IRF6: variants seen among roughly 807,000 people sequenced by gnomAD.
IRF6 encodes the protein interferon regulatory factor 6.
A neutral mutation model predicts 51.4 loss-of-function variants in IRF6; 6 were observed. The ratio of observed to expected loss-of-function variants is 0.12; its 90% CI spans 0.06 to 0.23. The LOEUF is 0.23. IRF6 is among the 10% of genes least tolerant of loss of function. IRF6 has a pLI of 1.00. For synonymous variants in IRF6, 178 were observed against 215.7 expected (o/e 0.83, Z 1.53); for missense variants, 348 against 585.2 (o/e 0.59, Z 4.18).
In IRF6 at chr1:209,788,290, A is replaced by G; in HGVS notation, c.*130T>C. The G allele has an allele frequency of 1.5e-6, 1 of 674,120 alleles. No individual in the cohort carries two copies. The highest frequency in any genetic ancestry group is 2.5e-6 in the Non-Finnish European group (1 of 395,832). 41.8% of individuals were successfully genotyped at this position (674,120 alleles called of 1,614,324 possible). Reference sequence around the variant, plus strand: ...TTAAATCAGCTTTAAATCTAGGCATATTTGGAGAATCACAAACTTCTAACA... The same window carrying G: ...TTAAATCAGCTTTAAATCTAGGCATGTTTGGAGAATCACAAACTTCTAACA... On this transcript the variant is annotated 3_prime_UTR_variant, in exon 9 of 9. Transcript: ENST00000367021.
chr1:209,793,907 C>A (rs1209125865), intron 5 of IRF6, among the ~76,000 whole-genome samples: 1 of 152,136 alleles, frequency 6.6e-6, no homozygotes, highest in African/African-American at 2.4e-5. Context: ...TGATCTTACT[C>A]TTTTTTATGG....
chr1:209,793,521 T>C (rs1343197948), intron 5 of IRF6, among the ~76,000 whole-genome samples: 1 of 152,216 alleles, frequency 6.6e-6, no homozygotes, highest in Non-Finnish European at 1.5e-5. Flanking sequence ...CATTTCTAGA[T>C]GTTCAATTTC....
rs1232398832 is a variant in IRF6, at chr1:209,786,409, C to A, written c.*2011G>T. On this transcript the variant is annotated 3_prime_UTR_variant, in exon 9 of 9. Transcript: ENST00000367021. ...TACCAGCTCACATTATCTGGGCTCC[C>A]ACCCAGGCTACAGATAGCCTGGCTG... 6.6e-6 allele frequency: 1 copy of A among 152,144 alleles called. No homozygotes were observed. The highest frequency in any genetic ancestry group is 2.4e-5 in the African/African-American group (1 of 41,428). 9.4% of individuals were successfully genotyped at this position (152,144 alleles called of 1,614,324 possible).
Position 209,787,516 on chromosome 1 carries a change from A to G in IRF6, c.*904T>C, listed in dbSNP as rs919069548. 1 of 152,198 alleles carries G rather than the reference A, an allele frequency of 6.6e-6. No homozygotes were observed. Among genetic ancestry groups the G allele is most frequent in the Non-Finnish European group, 1.5e-5 (1 of 68,054 alleles). The allele number at this position is 152,198 out of a possible 1,614,324, so 9.4% of individuals were successfully genotyped here. ...TCAGAGAAGTACATCTTAGATCCCC[A>G]GCTCAGTCTAGCTCAGAGAAGAAAA... On this transcript the variant is annotated 3_prime_UTR_variant, in exon 9 of 9. Transcript: ENST00000367021.
chr1:209,803,708 A>G (rs917363498), intron 1 of IRF6, among the ~76,000 whole-genome samples: 2 of 152,228 alleles, frequency 1.3e-5, no homozygotes, highest in African/African-American at 2.4e-5. Context: ...CAGTAACTAC[A>G]AGTCTAAAAA....
rs542258348 is a variant in IRF6 at position 209,789,686 on chromosome 1, C to T, written c.1160G>A (p.Arg387Lys). Residue 387 changes from arginine (R) to lysine (K), a missense_variant, in exon 8 of 9, where the codon AGG becomes AAG. Arg to Lys is a conservative substitution (Grantham distance 26, BLOSUM62 2). Coordinates refer to ENST00000367021, the MANE Select transcript of IRF6 (RefSeq NM_006147.4). ...EEWPDGKPLE[R>K]KLILVQVIPV... ...TCTCACCTGAACCAAGATGAGTTTC[C>T]TTTCCAATGGTTTCCCATCTGGCCA... 4.3e-6 allele frequency: 7 copies of T among 1,613,242 alleles called. No individual in the cohort carries two copies. In the African/African-American group the frequency reaches 8.0e-5, roughly 18 times the overall value.
Position 209,795,404 on chromosome 1 carries a change from C to A in IRF6, c.394G>T (p.Ala132Ser). Reference protein sequence around the residue: ...SIINPGSTGSAPWDEKDNDVD... With the variant: ...SIINPGSTGSSPWDEKDNDVD... ...TCATTATCCTTCTCATCCCAGGGAG[C>A]AGACCCTGTGGATCCTACCCAAGAT... is the stretch of plus-strand genomic sequence containing the variant. The change falls in exon 5 of 9, where the codon GCT becomes TCT. Residue 132 changes from alanine (A) to serine (S), a missense_variant. Coordinates refer to ENST00000367021, the MANE Select transcript of IRF6 (RefSeq NM_006147.4). The A allele has an allele frequency of 1.2e-6, 2 of 1,614,126 alleles. No individual in the cohort carries two copies. Among genetic ancestry groups the A allele is most frequent in the Non-Finnish European group, 8.5e-7 (1 of 1,180,022 alleles).
In IRF6 at chr1:209,787,678, T is replaced by A. The variant is rs742215; in HGVS notation, c.*742A>T. On this transcript the variant is annotated 3_prime_UTR_variant, in exon 9 of 9. Transcript: ENST00000367021. ...ATAAGGTAAATGCCTGACAACCTAT[T>A]CTTCCACAGAATCCCTAGGCTTTCT... is the stretch of plus-strand genomic sequence containing the variant. 34,854 of 151,208 alleles carry A rather than the reference T, an allele frequency of 0.23. 4,604 individuals are homozygous for A. The highest frequency in any genetic ancestry group is 0.47 in the East Asian group (2,403 of 5,072). The allele number at this position is 151,208 out of a possible 1,614,324, so 9.4% of individuals were successfully genotyped here.
chr1:209,796,517 C>A lies in IRF6; in HGVS notation c.210G>T (p.Gly70=). The stretch of plus-strand genomic sequence containing the variant: ...ATTTAGCTGGGTCAGGGTCATCCAC[C>A]CCTTCCTGGTACTTCCCTGTCTCTA... The part of the protein sequence containing the change: ...WAVETGKYQE[G]VDDPDPAKWK... The change falls in exon 4 of 9, where the codon GGG becomes GGT. Residue 70 remains glycine, a synonymous_variant. Transcript: ENST00000367021. The surrounding 1 kb of genome is among the most constrained non-coding windows in gnomAD (Gnocchi z 4.5). The A allele has an allele frequency of 3.1e-6, 5 of 1,613,414 alleles. No homozygotes were observed. Among genetic ancestry groups the A allele is most frequent in the Non-Finnish European group, 4.2e-6 (5 of 1,180,026 alleles).
intron 3 of IRF6, among the ~76,000 whole-genome samples, chr1:209,798,908 C>CA (rs61182544): frequency 0.3 from 28,670 of 96,992 alleles, 5,029 homozygotes; most frequent in Non-Finnish European, 0.36. Flanking sequence ...GACTCTGTCT[C>CA]AAAAAAAAAA....
rs187379424 is a variant in IRF6 at position 209,788,009 on chromosome 1, G to A, written c.*411C>T. On this transcript the variant is annotated 3_prime_UTR_variant, in exon 9 of 9. Transcript: ENST00000367021. ...TTCCAGGCAGTTTAGCCTTGTACAA[G>A]TAGAAGAAGGTCATTGAGTCCGTTC... 5.1e-3 allele frequency: 1,228 copies of A among 241,168 alleles called. 8 individuals are homozygous for A. Among genetic ancestry groups the A allele is most frequent in the Non-Finnish European group, 6.6e-3 (809 of 121,816 alleles). 14.9% of individuals were successfully genotyped at this position (241,168 alleles called of 1,614,324 possible). A position where few individuals can be genotyped will look rare whatever the true frequency, so the allele number is the denominator to read the frequency against.
rs141919556 is a variant in IRF6, at chr1:209,789,533, G to C, written c.1179+134C>G. 601 of 754,638 alleles carry C rather than the reference G, an allele frequency of 8.0e-4. 7 individuals are homozygous for C. The highest frequency in any genetic ancestry group is 6.7e-3 in the East Asian group (269 of 40,148). The allele number at this position is 754,638 out of a possible 1,614,324, so 46.7% of individuals were successfully genotyped here. A position where few individuals can be genotyped will look rare whatever the true frequency, so the allele number is the denominator to read the frequency against. The stretch of plus-strand genomic sequence containing the variant: ...AGCATGAGTCCTACTGCACAAACCT[G>C]AGTCTGTTACCCCATCTGATGAGAC... On this transcript the variant is annotated intron_variant, in intron 8 of 8. Transcript: ENST00000367021.
At chr1:209,793,724 C>T (rs1034041594) in intron 5 of IRF6, among the ~76,000 whole-genome samples, 4 of 152,178 alleles carry the variant, frequency 2.6e-5, no homozygotes, top group African/African-American at 9.7e-5. Flanking sequence ...TCCTCCCACC[C>T]TCCGTCCTCA....
Position 209,806,044 on chromosome 1 carries a change from G to A in IRF6, c.-173C>T, listed in dbSNP as rs1331090981. On this transcript the variant is annotated 5_prime_UTR_variant, in exon 1 of 9. Transcript: ENST00000367021. ...CCACGCTCCTCGACGTCTTAGCCAA[G>A]GGGCGCCTGGCTCTACCCAAGTAGG... The A allele has an allele frequency of 6.6e-6, 1 of 152,338 alleles. No homozygotes were observed. The allele number at this position is 152,338 out of a possible 1,614,324, so 9.4% of individuals were successfully genotyped here.
chr1:209,788,655 C>T lies in IRF6; in HGVS notation c.1180-11G>A. On this transcript the variant is annotated splice_polypyrimidine_tract_variant and intron_variant, in intron 8 of 8. Transcript: ENST00000367021. ...CACTACTGGAATGACCTGTTCAGGA[C>T]ACAGAACACAGGTGTATCCTCTGAG... 6.3e-7 allele frequency: 1 copy of T among 1,598,320 alleles called. No individual in the cohort carries two copies.
In IRF6 at chr1:209,790,724, T is replaced by A; in HGVS notation, c.831A>T (p.Pro277=). 1 of 1,614,216 alleles carries A rather than the reference T, an allele frequency of 6.2e-7. No individual in the cohort carries two copies. The highest frequency in any genetic ancestry group is 8.5e-7 in the Non-Finnish European group (1 of 1,180,038). ...TCTCATTGGTAATATGCTCAGGACCTGGGAATTTGACCTGCTCCAGGCTGA... is the reference window on the plus strand; with the variant it reads ...TCTCATTGGTAATATGCTCAGGACCAGGGAATTTGACCTGCTCCAGGCTGA... ...GPVSLEQVKF[P]GPEHITNEKQ... is the part of the protein sequence containing the mutation. The change falls in exon 7 of 9, where the codon CCA becomes CCT. Residue 277 remains proline, a synonymous_variant. Coordinates refer to ENST00000367021, the MANE Select transcript of IRF6 (RefSeq NM_006147.4). This position sits in a 1 kb window ranked among gnomAD's most constrained non-coding sequence, Gnocchi z 4.8.
rs556543474 is a variant in IRF6 at position 209,790,351 on chromosome 1, C to T, written c.1060+144G>A. The stretch of plus-strand genomic sequence containing the variant: ...ACCTCCAATTTTTAGAACCAAAGTT[C>T]TGTTCTCCCTTGACCTCCTCCAGAC... On this transcript the variant is annotated intron_variant, in intron 7 of 8. Transcript: ENST00000367021. This position sits in a 1 kb window ranked among gnomAD's most constrained non-coding sequence, Gnocchi z 4.8. 5 of 896,038 alleles carry T rather than the reference C, an allele frequency of 5.6e-6. No individual in the cohort carries two copies. The highest frequency in any genetic ancestry group is 1.7e-5 in the African/African-American group (1 of 60,324). 55.5% of individuals were successfully genotyped at this position (896,038 alleles called of 1,614,324 possible).
At chr1:209,805,897 G>C (rs1033879038) in intron 1 of IRF6, 50 bp downstream of exon 1, 1 of 152,240 alleles carries the variant, frequency 6.6e-6, no homozygotes, top group Non-Finnish European at 1.5e-5. Context: ...CCCCACCCAC[G>C]GGGGAGCCTC....
intron 8 of IRF6, 130 bp from the exon 9 acceptor site, chr1:209,788,774 G>A: frequency 1.4e-6 from 1 of 727,406 alleles, no homozygotes. Context: ...CTAAATATAG[G>A]ATATGCCTTC....
Sources: gnomAD v4.1 joint callset for allele counts (sites outside exome capture counted in the v4.1 genomes callset) on GRCh38, gnomAD v4.1.1 for gene constraint, Gnocchi (gnomAD v3.1) non-coding constraint, MANE v1.5 for transcripts, NCBI Gene and HGNC (gene_info 2026-07-23, HGNC 2026-07-21) for gene names.